Variants in SORCS2 observed in about 807,000 individuals in gnomAD.
SORCS2 encodes VPS10 domain-containing receptor SorCS2.
Under a neutral mutation model 141.6 loss-of-function variants are expected in SORCS2, and 100 were observed. The ratio of observed to expected loss-of-function variants is 0.71; its 90% CI spans 0.60 to 0.83. The LOEUF (loss-of-function observed/expected upper bound fraction) is 0.83. Ranked by LOEUF, SORCS2 falls within the 40% of genes least tolerant of loss-of-function variation. The pLI, the probability that SORCS2 is intolerant of heterozygous loss-of-function variation, is 0.00. For missense variants in SORCS2, 1,646 were observed against 1,560.2 expected (o/e 1.05, Z -0.93); for synonymous variants, 789 against 676.9 (o/e 1.17, Z -2.57).
intron 3 of SORCS2, among the ~76,000 whole-genome samples, chr4:7,541,164 A>T (rs1329556073): frequency 6.6e-6 from 1 of 152,210 alleles, no homozygotes; most frequent in African/African-American, 2.4e-5. Context: ...GGGGAGCCAA[A>T]GGGTGCCATG....
intron 1 of SORCS2, among the ~76,000 whole-genome samples, chr4:7,300,309 C>T (rs1397681446): frequency 1.3e-5 from 2 of 151,164 alleles, no homozygotes; most frequent in Non-Finnish European, 2.9e-5. Context: ...GGCAGAAAAG[C>T]GGGCGGAGGG....
intron 2 of SORCS2, among the ~76,000 whole-genome samples, chr4:7,427,434 A>G (rs963609484): frequency 3.3e-5 from 5 of 152,160 alleles, no homozygotes; most frequent in Non-Finnish European, 7.4e-5. Flanking sequence ...CCTGAGCTTC[A>G]GCAGTGGGAG....
chr4:7,676,319 G>A (rs555272711), intron 9 of SORCS2, 90 bp downstream of exon 9: 9 of 1,343,174 alleles, frequency 6.7e-6, no homozygotes, highest in South Asian at 1.4e-5. Context: ...CTCCCCTCCC[G>A]CCTGTCTATA....
intron 1 of SORCS2, among the ~76,000 whole-genome samples, chr4:7,358,198 G>A (rs1172053937): frequency 6.6e-6 from 1 of 152,224 alleles, no homozygotes; most frequent in Non-Finnish European, 1.5e-5. Flanking sequence ...TAGTGTGGGT[G>A]AACAGGCCAG....
intron 2 of SORCS2, among the ~76,000 whole-genome samples, chr4:7,505,227 G>A (rs540694907): frequency 7.2e-5 from 11 of 152,308 alleles, no homozygotes; most frequent in Admixed American, 3.3e-4. Flanking sequence ...AAAATGCTTC[G>A]TGATGGGAAA....
At chr4:7,348,857 C>A (rs570896769) in intron 1 of SORCS2, among the ~76,000 whole-genome samples, 3 of 152,288 alleles carry the variant, frequency 2.0e-5, no homozygotes, top group Non-Finnish European at 4.4e-5. Flanking sequence ...CAGGCCGAAT[C>A]TTGTGTTTTT....
rs1257882876 is a variant in SORCS2, at chr4:7,740,209, C to T, written c.3425C>T (p.Ser1142Leu). The T allele has an allele frequency of 2.5e-6, 4 of 1,608,486 alleles. No individual in the cohort carries two copies. The highest frequency in any genetic ancestry group is 3.4e-6 in the Non-Finnish European group (4 of 1,179,110). ...CTCTTCTGTTTCCTAGGCAACCACT[C>T]AGGCGTGGTCCTGAGCATCAACTCC... ...DVQGAVQGNH[S>L]GVVLSINSRE... The change falls in exon 27 of 27, where the codon TCA becomes TTA. Residue 1142 changes from serine (S) to leucine (L), a missense_variant. Coordinates refer to ENST00000507866, the MANE Select transcript of SORCS2 (RefSeq NM_020777.3).
At chr4:7,284,369 C>G (rs954052556) in intron 1 of SORCS2, among the ~76,000 whole-genome samples, 2 of 152,222 alleles carry the variant, frequency 1.3e-5, no homozygotes, top group African/African-American at 4.8e-5. Context: ...CTTTATCAAC[C>G]TCCCTGAGCC....
chr4:7,326,702 C>T (rs1192253130), intron 1 of SORCS2, among the ~76,000 whole-genome samples: 1 of 152,244 alleles, frequency 6.6e-6, no homozygotes, highest in African/African-American at 2.4e-5. Context: ...ATGTCCTTTT[C>T]ACCCTCTTGT....
At position 7,656,306 on chromosome 4, in the gene SORCS2, C is replaced by G; in HGVS notation, c.887+2099C>G. On this transcript the variant is annotated intron_variant, in intron 5 of 26. Coordinates refer to ENST00000507866, the MANE Select transcript of SORCS2 (RefSeq NM_020777.3). ...GGCAGGGCCGCGGGTACCCGCCCCCCACCCTGCCCTCAGTGTCTCCACGCC... is the reference window on the plus strand; with the variant it reads ...GGCAGGGCCGCGGGTACCCGCCCCCGACCCTGCCCTCAGTGTCTCCACGCC... Among the ~76,000 whole-genome samples, 3 of 152,222 alleles carry G rather than the reference C, an allele frequency of 2.0e-5. No homozygotes were observed. In the South Asian group the frequency reaches 6.2e-4, roughly 32 times the overall value.
At chr4:7,235,958 G>A (rs753425872) in intron 1 of SORCS2, among the ~76,000 whole-genome samples, 14 of 152,250 alleles carry the variant, frequency 9.2e-5, no homozygotes, top group Admixed American at 3.3e-4. Flanking sequence ...GAGTCTCCAC[G>A]CACTCATAAA....
intron 1 of SORCS2, among the ~76,000 whole-genome samples, chr4:7,342,483 C>G (rs1250531610): frequency 1.3e-5 from 2 of 152,184 alleles, no homozygotes; most frequent in African/African-American, 2.4e-5. Flanking sequence ...GCCCTCCTAC[C>G]TTTCTTCTTT....
intron 1 of SORCS2, among the ~76,000 whole-genome samples, chr4:7,293,665 G>A (rs1233549848): frequency 1.3e-5 from 2 of 152,216 alleles, no homozygotes; most frequent in Non-Finnish European, 2.9e-5. Flanking sequence ...GCATAGACAG[G>A]TGGGCTGTGC....
At chr4:7,326,172 T>C (rs1310344296) in intron 1 of SORCS2, among the ~76,000 whole-genome samples, 1 of 151,626 alleles carries the variant, frequency 6.6e-6, no homozygotes. Context: ...AGATAAATAG[T>C]GGGGATGGGA....
intron 1 of SORCS2, among the ~76,000 whole-genome samples, chr4:7,306,540 G>C (rs1392432356): frequency 2.0e-5 from 3 of 152,194 alleles, no homozygotes; most frequent in Non-Finnish European, 4.4e-5. Context: ...CTGGGTTGGG[G>C]GGTGTAAACT....
chr4:7,387,311 TAC>T (rs1560240728), intron 1 of SORCS2, among the ~76,000 whole-genome samples: 1 of 8,340 alleles, frequency 1.2e-4, no homozygotes, highest in Non-Finnish European at 3.4e-4. Flanking sequence ...TGCACACACA[TAC>T]AGGTACACAG....
intron 1 of SORCS2, among the ~76,000 whole-genome samples, chr4:7,357,389 G>A (rs111362898): frequency 9.9e-5 from 15 of 152,194 alleles, no homozygotes; most frequent in African/African-American, 3.4e-4. Flanking sequence ...TGACAGACTC[G>A]TAGGCACTGG....
At chr4:7,655,479 T>C (rs1324080908) in intron 5 of SORCS2, among the ~76,000 whole-genome samples, 1 of 152,210 alleles carries the variant, frequency 6.6e-6, no homozygotes, top group African/African-American at 2.4e-5. Flanking sequence ...GGCTGCAGAG[T>C]GGGCAAGGGC....
intron 1 of SORCS2, among the ~76,000 whole-genome samples, chr4:7,214,996 G>T (rs1728242569): frequency 6.6e-6 from 1 of 152,134 alleles, no homozygotes; most frequent in Non-Finnish European, 1.5e-5. Flanking sequence ...CTTGCTCTCG[G>T]TGCGTCCTCT....
Sources: gnomAD v4.1 joint callset for allele counts (sites outside exome capture counted in the v4.1 genomes callset) on GRCh38, gnomAD v4.1.1 for gene constraint, MANE v1.5 for transcripts, NCBI Gene and HGNC (gene_info 2026-07-23, HGNC 2026-07-21) for gene names.